Variants in CSMD1 observed in about 807,000 individuals in gnomAD.
The protein encoded by CSMD1 is CUB and sushi domain-containing protein 1.
Under a neutral mutation model 417.5 loss-of-function variants are expected in CSMD1, and 213 were observed. The ratio of observed to expected loss-of-function variants is 0.51; its 90% CI spans 0.46 to 0.57. The LOEUF is 0.57. Ranked by LOEUF, CSMD1 falls within the 20% of genes least tolerant of loss-of-function variation. The probability of loss-of-function intolerance (pLI) is 0.00; values close to 1 mark genes in which losing one functional copy is unlikely to be tolerated. For synonymous variants in CSMD1, 2,862 were observed against 1,736.8 expected (o/e 1.65, Z -16.11); for missense variants, 6,923 against 4,529.7 (o/e 1.53, Z -15.17).
chr8:4,074,913 G>C (rs1322545926), intron 3 of CSMD1, among the ~76,000 whole-genome samples: 4 of 152,004 alleles, frequency 2.6e-5, no homozygotes, highest in Non-Finnish European at 4.4e-5. Context: ...AGTTTCTCTG[G>C]ATAAGGCACC....
chr8:4,066,425 T>C (rs1799252067), intron 3 of CSMD1, among the ~76,000 whole-genome samples: 1 of 152,176 alleles, frequency 6.6e-6, no homozygotes, highest in Non-Finnish European at 1.5e-5. Flanking sequence ...CACCACAGAG[T>C]GCCTTGCACA....
intron 5 of CSMD1, among the ~76,000 whole-genome samples, chr8:3,844,597 G>T (rs1803362117): frequency 6.6e-6 from 1 of 152,112 alleles, no homozygotes; most frequent in Non-Finnish European, 1.5e-5. Flanking sequence ...CATTTGAAAA[G>T]GCAAGGGGGT....
At chr8:4,735,869 T>C (rs1164892861) in intron 1 of CSMD1, among the ~76,000 whole-genome samples, 1 of 152,160 alleles carries the variant, frequency 6.6e-6, no homozygotes, top group Non-Finnish European at 1.5e-5. Context: ...GGGTCCAAGA[T>C]TTACATACAA....
At position 4,482,098 on chromosome 8, in the gene CSMD1, C is replaced by G. The variant is rs112620428; in HGVS notation, c.303-62033G>C. ...ATACAAAGGTAGCAATACAATAACT[C>G]TCTTTTAAAAAACTTTTAAGTTCAG... On this transcript the variant is annotated intron_variant, in intron 2 of 69. Transcript: ENST00000635120. Among the ~76,000 whole-genome samples, 781 of 152,254 alleles carry G rather than the reference C, an allele frequency of 5.1e-3. 4 individuals are homozygous for G. Among genetic ancestry groups the G allele is most frequent in the African/African-American group, 0.016 (660 of 41,546 alleles).
At chr8:4,156,923 GA>G (rs1253886721) in intron 3 of CSMD1, among the ~76,000 whole-genome samples, 3 of 152,236 alleles carry the variant, frequency 2.0e-5, no homozygotes, top group African/African-American at 7.2e-5. Flanking sequence ...GGACATTTGT[GA>G]GGGTTACGAA....
At chr8:4,333,225 C>A (rs908837551) in intron 3 of CSMD1, among the ~76,000 whole-genome samples, 2 of 152,100 alleles carry the variant, frequency 1.3e-5, no homozygotes, top group Non-Finnish European at 1.5e-5. Context: ...AGAAGTCACA[C>A]CCTGCCTAGT....
At chr8:4,383,695 G>A (rs571871243) in intron 3 of CSMD1, among the ~76,000 whole-genome samples, 1 of 152,056 alleles carries the variant, frequency 6.6e-6, no homozygotes, top group Admixed American at 6.6e-5. Context: ...TACAGTGTGG[G>A]AAACCTAATA....
intron 50 of CSMD1, among the ~76,000 whole-genome samples, chr8:3,037,794 G>C (rs77779760): frequency 1.3e-5 from 2 of 152,048 alleles, no homozygotes; most frequent in Non-Finnish European, 2.9e-5. Flanking sequence ...GTAATTTATG[G>C]GCTCACCTGA....
chr8:4,319,825 G>C (rs1003863183), intron 3 of CSMD1, among the ~76,000 whole-genome samples: 2 of 152,044 alleles, frequency 1.3e-5, no homozygotes, highest in Non-Finnish European at 2.9e-5. Context: ...GGACCCTCGG[G>C]GTCTTCAGCT....
chr8:3,161,743 C>G (rs1488637411), intron 38 of CSMD1, among the ~76,000 whole-genome samples: 1 of 151,666 alleles, frequency 6.6e-6, no homozygotes, highest in Non-Finnish European at 1.5e-5. Context: ...CCTTATCTAC[C>G]TAGCCCAAAG....
intron 6 of CSMD1, among the ~76,000 whole-genome samples, chr8:3,751,995 A>G (rs1797366154): frequency 1.3e-5 from 2 of 152,210 alleles, no homozygotes; most frequent in South Asian, 4.1e-4. Flanking sequence ...GGACATATCC[A>G]TAGATAAGGA....
At chr8:3,115,194 T>TCCCCCCCCCC (rs5888947) in intron 42 of CSMD1, among the ~76,000 whole-genome samples, 1 of 109,086 alleles carries the variant, frequency 9.2e-6, no homozygotes, top group Non-Finnish European at 2.0e-5. Flanking sequence ...ACAATTACAA[T>TCCCCCCCCCC]CCCCCCCCCC....
intron 7 of CSMD1, among the ~76,000 whole-genome samples, chr8:3,629,646 A>C (rs1370194957): frequency 6.6e-6 from 1 of 152,200 alleles, no homozygotes; most frequent in African/African-American, 2.4e-5. Flanking sequence ...TTATTTTATC[A>C]AGGAATGTTA....
intron 6 of CSMD1, among the ~76,000 whole-genome samples, chr8:3,714,174 A>G (rs1801692512): frequency 6.7e-6 from 1 of 150,328 alleles, no homozygotes; most frequent in Non-Finnish European, 1.5e-5. Flanking sequence ...ATTACATATT[A>G]TATATGTATA....
rs141407590 is a variant in CSMD1 at position 4,333,724 on chromosome 8, A to T, written c.415+86229T>A. ...AGAGTTGTAGAAAGGACTGCTTACA[A>T]TGACAGATTCCAAGATCTAGTCCGC... On this transcript the variant is annotated intron_variant, in intron 3 of 69. Coordinates refer to ENST00000635120, the MANE Select transcript of CSMD1 (RefSeq NM_033225.6). Among the ~76,000 whole-genome samples, 63 of 152,246 alleles carry T rather than the reference A, an allele frequency of 4.1e-4. 1 individual carries two copies. Among genetic ancestry groups the T allele is most frequent in the African/African-American group, 1.3e-3 (54 of 41,560 alleles).
At chr8:3,825,865 A>G (rs1476005206) in intron 5 of CSMD1, among the ~76,000 whole-genome samples, 4 of 152,334 alleles carry the variant, frequency 2.6e-5, no homozygotes, top group Non-Finnish European at 4.4e-5. Flanking sequence ...CGCATTGTAC[A>G]CTAGGGCAAG....
chr8:3,008,879 T>G (rs1419051306), intron 52 of CSMD1, among the ~76,000 whole-genome samples: 2 of 152,186 alleles, frequency 1.3e-5, no homozygotes, highest in Non-Finnish European at 2.9e-5. Context: ...GTTGGCCGAT[T>G]TACCTTCACA....
chr8:4,028,028 G>T (rs560013776), intron 4 of CSMD1, among the ~76,000 whole-genome samples: 1 of 152,170 alleles, frequency 6.6e-6, no homozygotes, highest in East Asian at 1.9e-4. Flanking sequence ...AAAGCAGATG[G>T]GATACAGGTT....
At chr8:3,946,409 C>G (rs989319172) in intron 5 of CSMD1, among the ~76,000 whole-genome samples, 8 of 152,122 alleles carry the variant, frequency 5.3e-5, no homozygotes, top group African/African-American at 1.2e-4. Flanking sequence ...ATTGAGCAAT[C>G]CCGCATCACC....
Sources: gnomAD v4.1 joint callset for allele counts (sites outside exome capture counted in the v4.1 genomes callset) on GRCh38, gnomAD v4.1.1 for gene constraint, MANE v1.5 for transcripts, NCBI Gene and HGNC (gene_info 2026-07-23, HGNC 2026-07-21) for gene names.